The following CHIC1 variants were observed in gnomAD, a reference collection of about 807,000 sequenced individuals.
CHIC1 encodes cysteine rich hydrophobic domain 1.
A neutral mutation model predicts 18.5 loss-of-function variants in CHIC1; 7 were observed. The observed-to-expected ratio is 0.38, with a 90% CI of 0.22 to 0.71. CHIC1 has a LOEUF of 0.71. Ranked by LOEUF, CHIC1 falls within the 30% of genes least tolerant of loss-of-function variation. CHIC1 has a pLI of 0.49. For missense variants in CHIC1, 159 were observed against 176.9 expected (o/e 0.90, Z 0.57); for synonymous variants, 77 against 73.5 (o/e 1.05, Z -0.25).
chrX:73,573,340 T>G (rs1483572915), intron 1 of CHIC1, among the ~76,000 whole-genome samples: 1 of 111,676 alleles, frequency 9.0e-6, no homozygotes, highest in Non-Finnish European at 1.9e-5. Context: ...TTGGTTACTG[T>G]ACCCTTGTAG....
chrX:73,653,975 T>C (rs2057930325), intron 3 of CHIC1, among the ~76,000 whole-genome samples: 2 of 112,583 alleles, frequency 1.8e-5, no homozygotes, highest in African/African-American at 6.4e-5. Context: ...TATATGATCA[T>C]GTCATCTGCA....
chrX:73,635,750 C>A (rs922217153), intron 3 of CHIC1, among the ~76,000 whole-genome samples: 1 of 111,612 alleles, frequency 9.0e-6, no homozygotes, highest in African/African-American at 3.3e-5. Context: ...CTTTTTTCTT[C>A]ATCAGTCTAG....
chrX:73,640,443 T>C (rs2057850123), intron 3 of CHIC1, among the ~76,000 whole-genome samples: 1 of 111,797 alleles, frequency 8.9e-6, no homozygotes, highest in African/African-American at 3.2e-5. Flanking sequence ...AGTATTTTGT[T>C]GAGGATTTTT....
chrX:73,678,042 C>A (rs1230457219), intron 3 of CHIC1, among the ~76,000 whole-genome samples: 1 of 106,310 alleles, frequency 9.4e-6, no homozygotes, highest in African/African-American at 3.5e-5. Context: ...GCTATAATTG[C>A]CACTTCATTC....
chrX:73,577,433 C>T lies in CHIC1; in HGVS notation c.323C>T (p.Thr108Ile). ...TVFGLSNKFD[T>I]EFPSVLTGKV... ...TTTGGCTTGAGCAACAAGTTTGATA[C>T]TGAATTTCCCTCCGTTCTAACAGGG... Residue 108 changes from threonine (T) to isoleucine (I), a missense_variant, in exon 2 of 6, where the codon ACT (threonine) becomes ATT (isoleucine). Thr to Ile is a moderately conservative substitution (Grantham distance 89). Transcript: ENST00000373502. The T allele has an allele frequency of 8.4e-7, 1 of 1,197,592 alleles. No individual in the cohort carries two copies. The highest frequency in any genetic ancestry group is 1.1e-6 in the Non-Finnish European group (1 of 884,574).
chrX:73,656,248 A>AT (rs1415708686), intron 3 of CHIC1, among the ~76,000 whole-genome samples: 25 of 111,123 alleles, frequency 2.2e-4, no homozygotes, highest in Non-Finnish European at 4.2e-4. Context: ...TATTCTGTAG[A>AT]TTTTTTGTTC....
intron 5 of CHIC1, among the ~76,000 whole-genome samples, chrX:73,680,668 G>T (rs764212398): frequency 9.0e-6 from 1 of 110,822 alleles, no homozygotes; most frequent in African/African-American, 3.3e-5. Flanking sequence ...ATAATTTAAT[G>T]GAGTTTGCTC....
intron 3 of CHIC1, among the ~76,000 whole-genome samples, chrX:73,610,126 C>A (rs1427387059): frequency 1.8e-5 from 2 of 109,207 alleles, no homozygotes; most frequent in Non-Finnish European, 3.8e-5. Context: ...TGAGTGAGAA[C>A]CTGCACTGTT....
At chrX:73,673,577 G>C (rs2035302313) in intron 3 of CHIC1, among the ~76,000 whole-genome samples, 1 of 111,791 alleles carries the variant, frequency 8.9e-6, no homozygotes, top group Non-Finnish European at 1.9e-5. Context: ...AAGAATGCTT[G>C]TGATTTTTGT....
At chrX:73,679,460 T>G (rs1207470924) in intron 4 of CHIC1, 78 bp downstream of exon 4, 9 of 703,585 alleles carry the variant, frequency 1.3e-5, no homozygotes, top group East Asian at 3.3e-5. Context: ...AAAATGGGAA[T>G]TTTTAGGCCA....
chrX:73,628,214 G>A (rs1485535834), intron 3 of CHIC1, among the ~76,000 whole-genome samples: 3 of 111,521 alleles, frequency 2.7e-5, no homozygotes, highest in African/African-American at 9.8e-5. Flanking sequence ...TTGAAGGAGG[G>A]GGTCTCTTTT....
intron 3 of CHIC1, among the ~76,000 whole-genome samples, chrX:73,677,637 C>T (rs915612231): frequency 6.2e-5 from 7 of 112,199 alleles, no homozygotes; most frequent in African/African-American, 2.3e-4. Flanking sequence ...TGCCATCTGT[C>T]ACCCCTTTCT....
chrX:73,658,994 C>T (rs2057965594), intron 3 of CHIC1, among the ~76,000 whole-genome samples: 1 of 111,505 alleles, frequency 9.0e-6, no homozygotes, highest in Non-Finnish European at 1.9e-5. Context: ...AGGAGGGTGC[C>T]ATAAAGAGTC....
chrX:73,608,600 G>A (rs2057693709), intron 3 of CHIC1, among the ~76,000 whole-genome samples: 1 of 107,522 alleles, frequency 9.3e-6, no homozygotes, highest in Non-Finnish European at 1.9e-5. Flanking sequence ...ATGTATCAGT[G>A]TTTTGCCTCC....
At position 73,681,065 on chromosome X, in the gene CHIC1, AT is replaced by A; in HGVS notation, c.*63del. 1 of 666,390 alleles carries A rather than the reference AT, an allele frequency of 1.5e-6. No homozygotes were observed. Among genetic ancestry groups the A allele is most frequent in the East Asian group, 3.8e-5 (1 of 26,412 alleles). The allele number at this position is 666,390 out of a possible 1,213,427, so 54.9% of individuals were successfully genotyped here. A position where few individuals can be genotyped will look rare whatever the true frequency, so the allele number is the denominator to read the frequency against. On this transcript the variant is annotated 3_prime_UTR_variant, in exon 6 of 6. Transcript: ENST00000373502. ...ATTTCCTACCCTTAGTGCCTTGTAGATTTGGAATGAAGATGGTCTCCTTTGC... is the reference window on the plus strand; with the variant it reads ...ATTTCCTACCCTTAGTGCCTTGTAGATTGGAATGAAGATGGTCTCCTTTGC...
intron 3 of CHIC1, among the ~76,000 whole-genome samples, chrX:73,626,187 G>T (rs976251724): frequency 8.9e-6 from 1 of 111,787 alleles, no homozygotes; most frequent in Non-Finnish European, 1.9e-5. Context: ...GAGCTCCATT[G>T]TATGTTGTTT....
At chrX:73,666,618 A>G (rs1172036476) in intron 3 of CHIC1, among the ~76,000 whole-genome samples, 1 of 112,275 alleles carries the variant, frequency 8.9e-6, no homozygotes, top group Non-Finnish European at 1.9e-5. Flanking sequence ...AATACTTTGT[A>G]TCCTTCAGTC....
At chrX:73,672,820 T>G (rs1439120263) in intron 3 of CHIC1, among the ~76,000 whole-genome samples, 1 of 111,936 alleles carries the variant, frequency 8.9e-6, no homozygotes, top group East Asian at 2.8e-4. Flanking sequence ...TTTTGGTGTT[T>G]TAGACATGAA....
intron 3 of CHIC1, among the ~76,000 whole-genome samples, chrX:73,598,090 T>C (rs891201360): frequency 1.8e-5 from 2 of 111,447 alleles, no homozygotes; most frequent in Non-Finnish European, 3.8e-5. Flanking sequence ...TTCATATGCA[T>C]GTGTCTTTAT....
Sources: gnomAD v4.1 joint callset for allele counts (sites outside exome capture counted in the v4.1 genomes callset) on GRCh38, gnomAD v4.1.1 for gene constraint, MANE v1.5 for transcripts, NCBI Gene and HGNC (gene_info 2026-07-23, HGNC 2026-07-21) for gene names.